FLT1: variants seen among roughly 807,000 people sequenced by gnomAD.
The protein encoded by FLT1 is fms related receptor tyrosine kinase 1, also known as vascular endothelial growth factor receptor 1.
FLT1 carries 49 observed loss-of-function variants against 156.3 expected under a neutral mutation model. The observed-to-expected ratio is 0.31, with a 90% confidence interval of 0.25 to 0.40. The LOEUF is 0.40. FLT1 is among the 10% of genes least tolerant of loss of function. The pLI, the probability that FLT1 is intolerant of heterozygous loss-of-function variation, is 1.00. For missense variants in FLT1, 1,322 were observed against 1,637.2 expected (o/e 0.81, Z 3.32); for synonymous variants, 594 against 583.8 (o/e 1.02, Z -0.25).
At chr13:28,445,302 C>A (rs918281369) in intron 3 of FLT1, among the ~76,000 whole-genome samples, 1 of 151,994 alleles carries the variant, frequency 6.6e-6, no homozygotes, top group African/African-American at 2.4e-5. Flanking sequence ...ATGGTGAAAA[C>A]CCATCTCTAC....
rs774187304 is a variant in FLT1, at chr13:28,386,448, A to T, written c.1970-1417T>A. On this transcript the variant is annotated intron_variant, in intron 13 of 29. Transcript: ENST00000282397. ...ATCATTAGTCTTCTCATTTTATAAA[A>T]AATGAAATCTGAAGGCAAAAAAGTG... 4.8e-4 allele frequency: 502 copies of T among 1,044,350 alleles called. 1 individual carries two copies. The highest frequency in any genetic ancestry group is 5.5e-4 in the Non-Finnish European group (479 of 866,006). The allele number at this position is 1,044,350 out of a possible 1,614,324, so 64.7% of individuals were successfully genotyped here. A position where few individuals can be genotyped will look rare whatever the true frequency, so the allele number is the denominator to read the frequency against.
chr13:28,369,864 C>G (rs111333156), intron 14 of FLT1, among the ~76,000 whole-genome samples: 17 of 152,082 alleles, frequency 1.1e-4, no homozygotes, highest in Admixed American at 1.3e-4. Context: ...AGAGAAAGAA[C>G]AGGAACACTT....
chr13:28,463,647 C>A (rs1345141526), intron 3 of FLT1, among the ~76,000 whole-genome samples: 2 of 152,088 alleles, frequency 1.3e-5, no homozygotes, highest in Admixed American at 6.5e-5. Flanking sequence ...GTAATCACAG[C>A]TGTATATTAG....
intron 14 of FLT1, among the ~76,000 whole-genome samples, chr13:28,384,537 A>G (rs1174678859): frequency 6.6e-6 from 1 of 152,130 alleles, no homozygotes. Context: ...TCCAAGTTCT[A>G]CAATACCTCA....
chr13:28,392,890 C>T (rs937680133), intron 12 of FLT1, among the ~76,000 whole-genome samples: 1 of 152,068 alleles, frequency 6.6e-6, no homozygotes, highest in African/African-American at 2.4e-5. Context: ...TATCAGACAG[C>T]CTTTTAGAAA....
rs889820596 is a variant in FLT1, at chr13:28,438,257, C to T, written c.477G>A (p.Arg159=). The T allele has an allele frequency of 6.2e-7, 1 of 1,613,700 alleles. No individual in the cohort carries two copies. Among genetic ancestry groups the T allele is most frequent in the African/African-American group, 1.3e-5 (1 of 74,880 alleles). The part of the protein sequence containing the change: ...TEGRELVIPC[R]VTSPNITVTL... ...TAACAGTGATGTTAGGTGACGTAAC[C>T]CGGCAGGGAATGACGAGCTCCCTTC... The change falls in exon 4 of 30, where the codon CGG becomes CGA. Residue 159 remains arginine, a synonymous_variant. Transcript: ENST00000282397.
chr13:28,311,919 T>TAAAA, intron 26 of FLT1, 74 bp downstream of exon 26: 1 of 1,043,786 alleles, frequency 9.6e-7, no homozygotes, highest in South Asian at 1.5e-5. Context: ...TAATAGCTCT[T>TAAAA]AAAAAAAAAA....
chr13:28,398,963 T>C, intron 11 of FLT1: 3 of 930,040 alleles, frequency 3.2e-6, no homozygotes, highest in Non-Finnish European at 5.2e-6. Flanking sequence ...CTTATTTTGA[T>C]GATGAATCTT....
At chr13:28,328,797 G>T (rs1041828827) in intron 19 of FLT1, among the ~76,000 whole-genome samples, 3 of 152,202 alleles carry the variant, frequency 2.0e-5, no homozygotes, top group Admixed American at 6.5e-5. Context: ...CATTATACCT[G>T]ATCAGTTTTA....
At chr13:28,359,736 A>G (rs1387306532) in intron 14 of FLT1, among the ~76,000 whole-genome samples, 2 of 152,256 alleles carry the variant, frequency 1.3e-5, no homozygotes, top group Non-Finnish European at 2.9e-5. Flanking sequence ...GAAATCAAAT[A>G]GACATTTTTC....
chr13:28,385,438 T>C, intron 13 of FLT1: 1 of 761,884 alleles, frequency 1.3e-6, no homozygotes, highest in Non-Finnish European at 1.6e-6. Flanking sequence ...GCTGTAGTGA[T>C]AGGCTAATAT....
At chr13:28,438,160 A>G in intron 4 of FLT1, 61 bp downstream of exon 4, 2 of 1,560,072 alleles carry the variant, frequency 1.3e-6, no homozygotes, top group African/African-American at 1.4e-5. Flanking sequence ...TAGAACGAGT[A>G]AAACTTCATT....
intron 11 of FLT1, among the ~76,000 whole-genome samples, chr13:28,401,822 A>G (rs1377726567): frequency 3.9e-5 from 6 of 152,248 alleles, no homozygotes; most frequent in Non-Finnish European, 7.3e-5. Flanking sequence ...TGTCTCATAC[A>G]GGACACATTT....
At position 28,427,904 on chromosome 13, in the gene FLT1, G is replaced by A. The variant is rs2137540631; in HGVS notation, c.1124C>T (p.Pro375Leu). Reference sequence around the variant, plus strand: ...ATAGCGAGCAGATTTCTCAGTCGCAGGTAACCCATCTTTTAACCTGTGGTT... The same window carrying A: ...ATAGCGAGCAGATTTCTCAGTCGCAAGTAACCCATCTTTTAACCTGTGGTT... ...PEVVWLKDGL[P>L]ATEKSARYLT... is the part of the protein sequence containing the mutation. The change falls in exon 9 of 30, where the codon CCT becomes CTT. Residue 375 changes from proline to leucine, a missense_variant. This residue lies in a region of FLT1 where 991 missense variants were observed against 1,254.8 expected (regional missense o/e 0.79). Transcript: ENST00000282397. 1 of 1,613,890 alleles carries A rather than the reference G, an allele frequency of 6.2e-7. No individual in the cohort carries two copies. The highest frequency in any genetic ancestry group is 8.5e-7 in the Non-Finnish European group (1 of 1,179,856).
At chr13:28,411,289 C>T (rs1220308894) in intron 10 of FLT1, among the ~76,000 whole-genome samples, 2 of 151,730 alleles carry the variant, frequency 1.3e-5, no homozygotes, top group African/African-American at 2.4e-5. Context: ...CTGTGACTCA[C>T]ACCTGTAAAT....
Position 28,467,510 on chromosome 13 carries a change from C to A in FLT1, c.161+11G>T, listed in dbSNP as rs374816213. The A allele has an allele frequency of 1.9e-6, 3 of 1,568,392 alleles. No homozygotes were observed. On this transcript the variant is annotated intron_variant, in intron 2 of 29. Coordinates refer to ENST00000282397, the MANE Select transcript of FLT1 (RefSeq NM_002019.4). Reference sequence around the variant, plus strand: ...CAACTAGATTATTCCCAAACCAACACAGCCACTTACCTGCATTGGAGATGC... The same window carrying A: ...CAACTAGATTATTCCCAAACCAACAAAGCCACTTACCTGCATTGGAGATGC...
intron 3 of FLT1, among the ~76,000 whole-genome samples, chr13:28,448,925 C>T (rs1878766536): frequency 1.3e-5 from 2 of 152,162 alleles, no homozygotes; most frequent in African/African-American, 4.8e-5. Flanking sequence ...CCTCCTGCAT[C>T]CAGTTTAGGC....
chr13:28,309,666 C>G (rs560099397), intron 27 of FLT1, among the ~76,000 whole-genome samples: 4 of 149,844 alleles, frequency 2.7e-5, no homozygotes, highest in African/African-American at 4.9e-5. Context: ...CACCCACCCC[C>G]CCTCCCTCTC....
chr13:28,453,074 T>C (rs1879061020), intron 3 of FLT1, among the ~76,000 whole-genome samples: 1 of 18,542 alleles, frequency 5.4e-5, no homozygotes. Flanking sequence ...TTCCTTTCCT[T>C]TCCTTTCCTT....
Sources: gnomAD v4.1 joint callset for allele counts (sites outside exome capture counted in the v4.1 genomes callset) on GRCh38, gnomAD v4.1.1 for gene constraint, gnomAD v4.1.1 regional missense constraint, MANE v1.5 for transcripts, NCBI Gene and HGNC (gene_info 2026-07-23, HGNC 2026-07-21) for gene names.